Variants in PICALM observed in about 807,000 individuals in gnomAD.
The protein encoded by PICALM is phosphatidylinositol binding clathrin assembly protein.
PICALM carries 40 observed loss-of-function variants against 80.5 expected under a neutral mutation model. The ratio of observed to expected loss-of-function variants is 0.50; its 90% CI spans 0.39 to 0.65. The LOEUF (loss-of-function observed/expected upper bound fraction) is 0.65. Among genes scored for constraint, PICALM ranks in the 30% least tolerant of loss-of-function variants. PICALM has a pLI of 0.00. For synonymous variants in PICALM, 288 were observed against 260.3 expected, an observed-to-expected ratio of 1.11 and a Z score of -1.02; for missense variants, 676 against 778.9, an observed-to-expected ratio of 0.87 and a Z score of 1.57.
chr11:85,972,187 AC>A (rs2135507166), intron 19 of PICALM, among the ~76,000 whole-genome samples: 1 of 152,342 alleles, frequency 6.6e-6, no homozygotes, highest in South Asian at 2.1e-4. Context: ...GAAGGTTATT[AC>A]CCAAAACTGT....
At chr11:85,973,737 T>G (rs536495969) in intron 19 of PICALM, among the ~76,000 whole-genome samples, 1 of 152,264 alleles carries the variant, frequency 6.6e-6, no homozygotes, top group South Asian at 2.1e-4. Flanking sequence ...CTTTGGCAAA[T>G]GTAATATATA....
intron 11 of PICALM, among the ~76,000 whole-genome samples, chr11:85,999,742 A>AT (rs2095087430): frequency 1.3e-5 from 2 of 152,236 alleles, no homozygotes; most frequent in Admixed American, 6.5e-5. Context: ...AGGGTGAGTT[A>AT]ATAAACAGCA....
At chr11:86,038,808 T>G (rs1185602838) in intron 1 of PICALM, among the ~76,000 whole-genome samples, 1 of 150,654 alleles carries the variant, frequency 6.6e-6, no homozygotes, top group African/African-American at 2.4e-5. Context: ...CAAAGTCCTA[T>G]CTTAACGTTT....
Position 85,959,075 on chromosome 11 carries a change from T to C in PICALM, c.1945-15A>G. 1 of 1,550,006 alleles carries C rather than the reference T, an allele frequency of 6.5e-7. No individual in the cohort carries two copies. Among genetic ancestry groups the C allele is most frequent in the Non-Finnish European group, 8.9e-7 (1 of 1,127,626 alleles). On this transcript the variant is annotated splice_polypyrimidine_tract_variant and intron_variant, in intron 19 of 19. Coordinates refer to ENST00000393346, the MANE Select transcript of PICALM (RefSeq NM_007166.4). ...ATAAACTGTATCTGGAAAAAAAAAG[T>C]GGGTATGTTAATTCATTGTATTGTA...
chr11:86,069,343 G>A (rs1237656360), upstream of PICALM: 4 of 158,816 alleles, frequency 2.5e-5, no homozygotes, highest in Non-Finnish European at 5.6e-5. Context: ...GGTCGCCTGA[G>A]GCTCGGCCCG....
chr11:85,957,999 GA>G lies in PICALM; in HGVS notation c.*1046del. The G allele has an allele frequency of 4.4e-6, 1 of 225,954 alleles. No homozygotes were observed. Among genetic ancestry groups the G allele is most frequent in the Non-Finnish European group, 8.8e-6 (1 of 113,308 alleles). The allele number at this position is 225,954 out of a possible 1,614,324, so 14.0% of individuals were successfully genotyped here. On this transcript the variant is annotated 3_prime_UTR_variant, in exon 20 of 20. Coordinates refer to ENST00000393346, the MANE Select transcript of PICALM (RefSeq NM_007166.4). The stretch of plus-strand genomic sequence containing the variant: ...TGATCATAACATGGCACGAGCCAAA[GA>G]AAATGTTCAAGGACTTTGCCCCCCT...
chr11:86,064,004 A>G (rs2096407685), intron 1 of PICALM, among the ~76,000 whole-genome samples: 1 of 152,188 alleles, frequency 6.6e-6, no homozygotes, highest in African/African-American at 2.4e-5. Flanking sequence ...CCTTCTTGAC[A>G]ATACGCAAAC....
intron 12 of PICALM, among the ~76,000 whole-genome samples, chr11:85,991,400 C>T (rs1231063651): frequency 1.3e-5 from 2 of 152,070 alleles, no homozygotes. Flanking sequence ...CTGTATTTTA[C>T]TCTTAAGATT....
intron 1 of PICALM, among the ~76,000 whole-genome samples, chr11:86,039,438 A>G (rs1193262036): frequency 6.6e-6 from 1 of 152,122 alleles, no homozygotes; most frequent in Admixed American, 6.5e-5. Flanking sequence ...TTAAAAGGCA[A>G]TCCTCCCCCC....
intron 13 of PICALM, among the ~76,000 whole-genome samples, chr11:85,987,966 T>G (rs1475097849): frequency 3.3e-5 from 5 of 152,210 alleles, no homozygotes; most frequent in Non-Finnish European, 1.5e-5. Flanking sequence ...AAACCTAAGT[T>G]CACTAGGCTC....
At chr11:86,009,485 A>G (rs1395943272) in intron 7 of PICALM, among the ~76,000 whole-genome samples, 1 of 151,914 alleles carries the variant, frequency 6.6e-6, no homozygotes, top group Non-Finnish European at 1.5e-5. Flanking sequence ...TGAGGTCAGG[A>G]GTTCAAGACC....
At chr11:86,064,836 G>A (rs1396862681) in intron 1 of PICALM, among the ~76,000 whole-genome samples, 3 of 151,470 alleles carry the variant, frequency 2.0e-5, no homozygotes, top group African/African-American at 7.3e-5. Context: ...CACTCTGGGA[G>A]GCTGAGGCAA....
intron 1 of PICALM, among the ~76,000 whole-genome samples, chr11:86,052,813 T>C (rs950459261): frequency 6.6e-6 from 1 of 152,184 alleles, no homozygotes; most frequent in African/African-American, 2.4e-5. Context: ...CCTCAGACAA[T>C]TGCTCCGACT....
At chr11:85,977,457 G>A (rs1488513961) in intron 17 of PICALM, among the ~76,000 whole-genome samples, 1 of 152,106 alleles carries the variant, frequency 6.6e-6, no homozygotes, top group East Asian at 1.9e-4. Context: ...AACATTTCCT[G>A]TGTGTGTTTC....
At chr11:86,027,551 A>G (rs1220910057) in intron 2 of PICALM, among the ~76,000 whole-genome samples, 3 of 149,294 alleles carry the variant, frequency 2.0e-5, no homozygotes, top group Middle Eastern at 3.2e-3. Context: ...AGGCTGGAGT[A>G]CAGTGGTGTG....
At chr11:85,983,772 T>TTTA in intron 14 of PICALM, 94 bp downstream of exon 14, 1 of 551,612 alleles carries the variant, frequency 1.8e-6, no homozygotes, top group Non-Finnish European at 3.2e-6. Context: ...CCCAGTTTAA[T>TTTA]ATATCTAAAC....
At chr11:85,987,345 T>C (rs1159803821) in intron 13 of PICALM, among the ~76,000 whole-genome samples, 2 of 152,190 alleles carry the variant, frequency 1.3e-5, no homozygotes, top group East Asian at 3.8e-4. Context: ...CTAGAATCTA[T>C]TAGGGTTTTC....
chr11:86,065,224 A>C (rs1435920098), intron 1 of PICALM, among the ~76,000 whole-genome samples: 1 of 152,094 alleles, frequency 6.6e-6, no homozygotes, highest in Non-Finnish European at 1.5e-5. Flanking sequence ...GAGGCGGGCG[A>C]ATCATGTGGT....
chr11:86,027,507 T>C (rs2095668307), intron 2 of PICALM, among the ~76,000 whole-genome samples: 2 of 151,870 alleles, frequency 1.3e-5, no homozygotes, highest in Non-Finnish European at 2.9e-5. Flanking sequence ...AGTATTTTTT[T>C]TTTTTTTTGA....
Sources: allele counts gnomAD v4.1 joint callset (sites outside exome capture counted in the v4.1 genomes callset), GRCh38; gene constraint gnomAD v4.1.1; transcripts MANE v1.5; gene names NCBI Gene and HGNC (gene_info 2026-07-23, HGNC 2026-07-21).